ARL13B: variants seen among roughly 807,000 people sequenced by gnomAD.
ARL13B encodes ARF like GTPase 13B.
Under a neutral mutation model 56.1 loss-of-function variants are expected in ARL13B, and 36 were observed. The ratio of observed to expected loss-of-function variants is 0.64; its 90% CI spans 0.49 to 0.85. The LOEUF is 0.85. ARL13B is among the 40% of genes least tolerant of loss of function. ARL13B has a pLI of 0.00. For synonymous variants in ARL13B, 178 were observed against 171.1 expected, an observed-to-expected ratio of 1.04 and a Z score of -0.32; for missense variants, 519 against 507.1, an observed-to-expected ratio of 1.02 and a Z score of -0.23.
In ARL13B at chr3:94,054,174, C is replaced by T. The variant is rs1183252203; in HGVS notation, c.*911C>T. On this transcript the variant is annotated 3_prime_UTR_variant, in exon 10 of 10. Transcript: ENST00000394222. ...GCTGCAGTGACTCTTTTAGGTGATTCTAATTCTTTCATGCCTTGAAATTAA... is the reference window on the plus strand; with the variant it reads ...GCTGCAGTGACTCTTTTAGGTGATTTTAATTCTTTCATGCCTTGAAATTAA... 3 of 453,022 alleles carry T rather than the reference C, an allele frequency of 6.6e-6. No homozygotes were observed. Among genetic ancestry groups the T allele is most frequent in the Admixed American group, 4.7e-5 (2 of 42,522 alleles). 28.1% of individuals were successfully genotyped at this position (453,022 alleles called of 1,614,324 possible).
At chr3:94,016,293 C>A (rs2076332070) in intron 3 of ARL13B, among the ~76,000 whole-genome samples, 1 of 151,678 alleles carries the variant, frequency 6.6e-6, no homozygotes, top group African/African-American at 2.4e-5. Context: ...TTAATATCAA[C>A]CAGAAAAAAA....
At position 94,036,762 on chromosome 3, in the gene ARL13B, G is replaced by T; in HGVS notation, c.689+8G>T. ...AAAATTACGAGAAGAAAGGTAAGTA[G>T]ATTAATTTTGTACCACAGTGCATTT... On this transcript the variant is annotated splice_region_variant and intron_variant, in intron 5 of 9. Coordinates refer to ENST00000394222, the MANE Select transcript of ARL13B (RefSeq NM_001174150.2). 6.2e-7 allele frequency: 1 copy of T among 1,603,464 alleles called. No individual in the cohort carries two copies. Among genetic ancestry groups the T allele is most frequent in the South Asian group, 1.1e-5 (1 of 89,382 alleles).
intron 3 of ARL13B, among the ~76,000 whole-genome samples, chr3:94,032,135 A>G (rs747321199): frequency 3.3e-5 from 5 of 152,260 alleles, no homozygotes; most frequent in Non-Finnish European, 5.9e-5. Flanking sequence ...AACAGCCTGC[A>G]GAATGAGGGA....
At chr3:93,990,441 G>A (rs1345523029) in intron 1 of ARL13B, among the ~76,000 whole-genome samples, 5 of 151,998 alleles carry the variant, frequency 3.3e-5, no homozygotes, top group African/African-American at 4.8e-5. Flanking sequence ...GCCTAAACAC[G>A]AATTTCATTT....
At chr3:94,034,921 C>A (rs890328594) in intron 3 of ARL13B, among the ~76,000 whole-genome samples, 1 of 152,078 alleles carries the variant, frequency 6.6e-6, no homozygotes, top group Non-Finnish European at 1.5e-5. Flanking sequence ...GTAATCAGTA[C>A]ATTTAAAACT....
At chr3:94,029,530 G>A (rs1195463272) in intron 3 of ARL13B, among the ~76,000 whole-genome samples, 1 of 150,640 alleles carries the variant, frequency 6.6e-6, no homozygotes, top group Non-Finnish European at 1.5e-5. Flanking sequence ...TTGTAGAAAT[G>A]GGGTTTCACC....
intron 1 of ARL13B, among the ~76,000 whole-genome samples, chr3:93,982,468 C>T (rs1267956773): frequency 2.0e-5 from 3 of 151,938 alleles, no homozygotes; most frequent in East Asian, 3.9e-4. Context: ...ATTTATTATG[C>T]AAAAAAGTCA....
At chr3:94,020,912 G>C (rs2076433703) in intron 3 of ARL13B, among the ~76,000 whole-genome samples, 1 of 152,184 alleles carries the variant, frequency 6.6e-6, no homozygotes, top group South Asian at 2.1e-4. Flanking sequence ...TTCTAAGCTG[G>C]AAGGAGATTC....
intron 3 of ARL13B, among the ~76,000 whole-genome samples, chr3:94,024,156 A>G (rs887885482): frequency 1.3e-5 from 2 of 152,208 alleles, no homozygotes; most frequent in Admixed American, 1.3e-4. Flanking sequence ...ATTAATAGAG[A>G]AAGGATCTCG....
intron 3 of ARL13B, among the ~76,000 whole-genome samples, chr3:94,006,191 A>T (rs1294202219): frequency 2.0e-5 from 3 of 152,112 alleles, no homozygotes; most frequent in Non-Finnish European, 4.4e-5. Flanking sequence ...GCTACTCGGG[A>T]GGCTGAGGCA....
chr3:93,999,301 G>A (rs1004165100), intron 2 of ARL13B, among the ~76,000 whole-genome samples: 13 of 151,972 alleles, frequency 8.6e-5, no homozygotes, highest in African/African-American at 2.2e-4. Flanking sequence ...GAGTTCGGTG[G>A]CGTGATCATA....
chr3:94,050,831 G>A lies in ARL13B; in HGVS notation c.1149G>A (p.Trp383Ter). 1 of 1,612,164 alleles carries A rather than the reference G, an allele frequency of 6.2e-7. No individual in the cohort carries two copies. The change falls in exon 9 of 10, where the codon TGG becomes TGA. Residue 383 changes from tryptophan (W) to a stop codon, truncating the protein, a stop_gained. Transcript: ENST00000394222. LOFTEE classifies it high-confidence loss of function. The stretch of plus-strand genomic sequence containing the variant: ...GTTTTTCTTTTTCTTTAGTTGGCTG[G>A]GGAACCCCTAAAGTCACTAGACTTC... ...TPPPPPPPVG[W>*]GTPKVTRLPK...
intron 3 of ARL13B, among the ~76,000 whole-genome samples, chr3:94,034,103 C>T (rs1428093973): frequency 6.6e-6 from 1 of 151,952 alleles, no homozygotes; most frequent in Non-Finnish European, 1.5e-5. Flanking sequence ...ATATTGAAGA[C>T]TTACTGTTAA....
intron 7 of ARL13B, among the ~76,000 whole-genome samples, chr3:94,044,880 C>T (rs1223897732): frequency 1.4e-5 from 2 of 147,166 alleles, no homozygotes; most frequent in Non-Finnish European, 3.0e-5. Context: ...CTGCCCGCCC[C>T]TCGTCGGGGA....
At chr3:93,982,047 G>C (rs968860956) in intron 1 of ARL13B, among the ~76,000 whole-genome samples, 24 of 151,990 alleles carry the variant, frequency 1.6e-4, no homozygotes, top group Non-Finnish European at 2.6e-4. Flanking sequence ...AATGTATTTG[G>C]TTTCTGTGAA....
At chr3:94,041,383 A>G (rs1249340000) in intron 6 of ARL13B, among the ~76,000 whole-genome samples, 1 of 152,204 alleles carries the variant, frequency 6.6e-6, no homozygotes, top group African/African-American at 2.4e-5. Context: ...AATATTGTAT[A>G]CCCAGTTAAA....
rs992663356 is a variant in ARL13B, at chr3:94,039,372, C to T, written c.690-508C>T. On this transcript the variant is annotated intron_variant, in intron 5 of 9. Transcript: ENST00000394222. ...AAAATTAGCCAGGCCTGGTGGCGGG[C>T]GCCTGTAGTCCCAGCTACTCAGGAG... Among the ~76,000 whole-genome samples, 10 of 151,686 alleles carry T rather than the reference C, an allele frequency of 6.6e-5. 1 individual carries two copies. The highest frequency in any genetic ancestry group is 4.2e-4 in the South Asian group (2 of 4,780).
chr3:94,042,048 C>T (rs2107146858), intron 6 of ARL13B, among the ~76,000 whole-genome samples: 1 of 152,200 alleles, frequency 6.6e-6, no homozygotes, highest in African/African-American at 2.4e-5. Context: ...CAGAGCGAGA[C>T]TCCATCTCAA....
At chr3:94,038,837 A>G (rs985764496) in intron 5 of ARL13B, among the ~76,000 whole-genome samples, 2 of 152,020 alleles carry the variant, frequency 1.3e-5, no homozygotes, top group Non-Finnish European at 2.9e-5. Flanking sequence ...TCATCTTAAT[A>G]ACATTACTCA....
Sources: gnomAD v4.1 joint callset for allele counts (sites outside exome capture counted in the v4.1 genomes callset) on GRCh38, gnomAD v4.1.1 for gene constraint, MANE v1.5 for transcripts, NCBI Gene and HGNC (gene_info 2026-07-23, HGNC 2026-07-21) for gene names.